Variants in FGF10 observed in about 807,000 individuals in gnomAD.
FGF10 encodes FGF-10.
FGF10 carries 2 observed loss-of-function variants against 19.8 expected under a neutral mutation model. The ratio of observed to expected loss-of-function variants is 0.10; its 90% CI spans 0.04 to 0.32. The LOEUF is 0.32. Among genes scored for constraint, FGF10 ranks in the 10% least tolerant of loss-of-function variants. FGF10 has a pLI of 1.00. For synonymous variants in FGF10, 112 were observed against 94.0 expected, an observed-to-expected ratio of 1.19 and a Z score of -1.10; for missense variants, 191 against 246.3, an observed-to-expected ratio of 0.78 and a Z score of 1.50.
intron 1 of FGF10, among the ~76,000 whole-genome samples, chr5:44,336,229 T>A (rs1260548133): frequency 6.6e-6 from 1 of 152,118 alleles, no homozygotes; most frequent in Non-Finnish European, 1.5e-5. Context: ...ATTTTATCTC[T>A]TTAATGAGAG....
chr5:44,359,947 T>G (rs539906916), intron 1 of FGF10, among the ~76,000 whole-genome samples: 2 of 151,496 alleles, frequency 1.3e-5, no homozygotes, highest in South Asian at 2.1e-4. Context: ...GTTAGTCCTG[T>G]GATTGTTTAG....
At chr5:44,370,957 A>G (rs1293437382) in intron 1 of FGF10, among the ~76,000 whole-genome samples, 1 of 152,136 alleles carries the variant, frequency 6.6e-6, no homozygotes, top group Non-Finnish European at 1.5e-5. Context: ...CAAAGAGTAA[A>G]TACACAGTAA....
intron 1 of FGF10, among the ~76,000 whole-genome samples, chr5:44,320,039 C>G (rs7704646): frequency 0.12 from 18,325 of 152,132 alleles, 2,710 homozygotes; most frequent in African/African-American, 0.34. Flanking sequence ...CTCATAGGAG[C>G]TCGAACACTA....
At chr5:44,317,737 T>C (rs1211671274) in intron 1 of FGF10, among the ~76,000 whole-genome samples, 1 of 152,148 alleles carries the variant, frequency 6.6e-6, no homozygotes, top group East Asian at 1.9e-4. Flanking sequence ...TTTTTTCTAA[T>C]TTTTTCCTCA....
chr5:44,344,650 G>T (rs1328751075), intron 1 of FGF10, among the ~76,000 whole-genome samples: 3 of 145,390 alleles, frequency 2.1e-5, no homozygotes, highest in African/African-American at 7.6e-5. Context: ...CAAATATTTT[G>T]CATTTCCAAT....
intron 1 of FGF10, among the ~76,000 whole-genome samples, chr5:44,357,023 TTTG>T (rs1741363447): frequency 6.6e-6 from 1 of 151,270 alleles, no homozygotes; most frequent in South Asian, 2.1e-4. Context: ...GCCAAAACTG[TTTG>T]AAAAAAAGAT....
In FGF10 at chr5:44,388,521, G is replaced by T; in HGVS notation, c.162C>A (p.Ser54=). ...MVSPEATNSS[S]SSFSSPSSAG... Reference sequence around the variant, plus strand: ...CGCTGGAAGGAGAGGAGAAGGAGGAGGAAGAAGAGTTGGTGGCCTCTGGTG... The same window carrying T: ...CGCTGGAAGGAGAGGAGAAGGAGGATGAAGAAGAGTTGGTGGCCTCTGGTG... Residue 54 remains serine, a synonymous_variant, in exon 1 of 3, where the codon TCC becomes TCA. Coordinates refer to ENST00000264664, the MANE Select transcript of FGF10 (RefSeq NM_004465.2). 1 of 1,614,184 alleles carries T rather than the reference G, an allele frequency of 6.2e-7. No individual in the cohort carries two copies. Among genetic ancestry groups the T allele is most frequent in the South Asian group, 1.1e-5 (1 of 91,078 alleles).
At chr5:44,310,250 A>G (rs1740179446) in intron 2 of FGF10, among the ~76,000 whole-genome samples, 177 bp downstream of exon 2, 1 of 152,076 alleles carries the variant, frequency 6.6e-6, no homozygotes, top group Non-Finnish European at 1.5e-5. Context: ...AACAGAGGAG[A>G]TTACAGAATT....
intron 1 of FGF10, among the ~76,000 whole-genome samples, chr5:44,384,650 A>G (rs1223717162): frequency 6.6e-6 from 1 of 152,152 alleles, no homozygotes; most frequent in Non-Finnish European, 1.5e-5. Flanking sequence ...GTCTAGTTGA[A>G]TGACCTTGGA....
intron 1 of FGF10, among the ~76,000 whole-genome samples, chr5:44,374,425 T>C (rs1448648928): frequency 1.3e-5 from 2 of 152,198 alleles, no homozygotes; most frequent in Admixed American, 1.3e-4. Flanking sequence ...TGGGTGCTCA[T>C]TATTCAGCAT....
intron 1 of FGF10, among the ~76,000 whole-genome samples, chr5:44,348,163 G>A (rs1329250904): frequency 6.6e-6 from 1 of 151,598 alleles, no homozygotes; most frequent in Non-Finnish European, 1.5e-5. Context: ...AAGTAGACTT[G>A]CAACTTTTTT....
At chr5:44,326,952 C>T (rs983107122) in intron 1 of FGF10, among the ~76,000 whole-genome samples, 8 of 152,234 alleles carry the variant, frequency 5.3e-5, no homozygotes, top group Non-Finnish European at 8.8e-5. Flanking sequence ...AAAAGGGAAG[C>T]TGTTCCTCTG....
chr5:44,318,484 T>A (rs1435315789), intron 1 of FGF10, among the ~76,000 whole-genome samples: 1 of 152,170 alleles, frequency 6.6e-6, no homozygotes, highest in East Asian at 1.9e-4. Context: ...TTTGTCTCTA[T>A]TCTTATCTAA....
chr5:44,375,041 G>A (rs769908319), intron 1 of FGF10, among the ~76,000 whole-genome samples: 3 of 152,130 alleles, frequency 2.0e-5, no homozygotes, highest in Non-Finnish European at 4.4e-5. Context: ...ATTTTAGGTA[G>A]GTAGCATATT....
At position 44,376,885 on chromosome 5, in the gene FGF10, GA is replaced by G. The variant is rs200722607; in HGVS notation, c.325+11472del. ...TTTTTTTACTTCAAAAAGTAAAAAT[GA>G]AAAAAAAAAGTAAAGGGCAAGTTTA... On this transcript the variant is annotated intron_variant, in intron 1 of 2. Coordinates refer to ENST00000264664, the MANE Select transcript of FGF10 (RefSeq NM_004465.2). 1.5e-3 allele frequency among the ~76,000 whole-genome samples: 224 copies of G among 144,820 alleles called. 1 individual carries two copies. The highest frequency in any genetic ancestry group is 2.6e-3 in the Admixed American group (38 of 14,612).
At chr5:44,342,366 T>C (rs1740989525) in intron 1 of FGF10, among the ~76,000 whole-genome samples, 1 of 151,980 alleles carries the variant, frequency 6.6e-6, no homozygotes, top group African/African-American at 2.4e-5. Context: ...GACAAAACAA[T>C]TTGTGAAAGT....
In FGF10 at chr5:44,303,535, T is replaced by G. The variant is rs2111660221; in HGVS notation, c.*1460A>C. The G allele has an allele frequency of 6.6e-6, 1 of 152,346 alleles. No homozygotes were observed. 9.4% of individuals were successfully genotyped at this position (152,346 alleles called of 1,614,324 possible). A position where few individuals can be genotyped will look rare whatever the true frequency, so the allele number is the denominator to read the frequency against. ...ACATTTTTAAAATCACTACAGACACTGCAAATAAGGCTTATGTATTTATTT... is the reference window on the plus strand; with the variant it reads ...ACATTTTTAAAATCACTACAGACACGGCAAATAAGGCTTATGTATTTATTT... On this transcript the variant is annotated 3_prime_UTR_variant, in exon 3 of 3. Coordinates refer to ENST00000264664, the MANE Select transcript of FGF10 (RefSeq NM_004465.2).
chr5:44,368,042 A>G (rs927079347), intron 1 of FGF10, among the ~76,000 whole-genome samples: 3 of 152,062 alleles, frequency 2.0e-5, no homozygotes, highest in African/African-American at 7.2e-5. Flanking sequence ...TATGACTTTA[A>G]TAACAACCTA....
In FGF10 at chr5:44,389,113, AGGGGG is replaced by A; in HGVS notation, c.-436_-432del. 4 of 299,356 alleles carry A rather than the reference AGGGGG, an allele frequency of 1.3e-5. No homozygotes were observed. The highest frequency in any genetic ancestry group is 6.9e-5 in the South Asian group (2 of 29,078). The allele number at this position is 299,356 out of a possible 1,614,324, so 18.5% of individuals were successfully genotyped here. On this transcript the variant is annotated 5_prime_UTR_variant, in exon 1 of 3. Coordinates refer to ENST00000264664, the MANE Select transcript of FGF10 (RefSeq NM_004465.2). ...ACCCAAGGGAGGTGGGGTGGGGAAT[AGGGGG>A]AGATATCTGCACCCCTCTGCGGTTG...
Sources: allele counts gnomAD v4.1 joint callset (sites outside exome capture counted in the v4.1 genomes callset), GRCh38; gene constraint gnomAD v4.1.1; transcripts MANE v1.5; gene names NCBI Gene and HGNC (gene_info 2026-07-23, HGNC 2026-07-21).